GRK5: variants seen among roughly 807,000 people sequenced by gnomAD.
GRK5 encodes the protein G protein-coupled receptor kinase 5.
In GRK5, 40 loss-of-function variants were observed where a neutral mutation model predicts 78.4. The ratio of observed to expected loss-of-function variants is 0.51; its 90% CI spans 0.40 to 0.66. The LOEUF (loss-of-function observed/expected upper bound fraction) is 0.66, where lower values mean the gene tolerates loss of function less well. Among genes scored for constraint, GRK5 ranks in the 30% least tolerant of loss-of-function variants. The pLI is 0.00. For synonymous variants in GRK5, 289 were observed against 296.8 expected (o/e 0.97, Z 0.27); for missense variants, 598 against 759.9 (o/e 0.79, Z 2.50).
intron 1 of GRK5, among the ~76,000 whole-genome samples, chr10:119,321,126 T>C (rs1850576336): frequency 6.6e-6 from 1 of 152,214 alleles, no homozygotes. Flanking sequence ...TTGTTTGTTG[T>C]TAAGAAGTGA....
chr10:119,453,585 GGCA>G (rs1853339955), intron 15 of GRK5, among the ~76,000 whole-genome samples: 1 of 152,190 alleles, frequency 6.6e-6, no homozygotes, highest in African/African-American at 2.4e-5. Flanking sequence ...CAAGATGTGG[GGCA>G]GCAAGTTTGG....
intron 2 of GRK5, among the ~76,000 whole-genome samples, chr10:119,361,165 G>A (rs1485751844): frequency 1.3e-5 from 2 of 152,234 alleles, no homozygotes; most frequent in Non-Finnish European, 2.9e-5. Context: ...TGTCCAGCAG[G>A]ACCGGGCAGT....
rs1290679346 is a variant in GRK5 at position 119,425,041 on chromosome 10, C to T, written c.489C>T (p.Asp163=). 2 of 1,614,020 alleles carry T rather than the reference C, an allele frequency of 1.2e-6. No homozygotes were observed. The highest frequency in any genetic ancestry group is 1.7e-6 in the Non-Finnish European group (2 of 1,179,902). The change falls in exon 6 of 16, where the codon GAC becomes GAT. Residue 163 remains aspartate (D), a synonymous_variant. Coordinates refer to ENST00000392870, the MANE Select transcript of GRK5 (RefSeq NM_005308.3). ...LRGEPFHEYL[D]SMFFDRFLQW... is the part of the protein sequence containing the mutation. ...GAGAACCATTCCACGAATATCTGGA[C>T]AGCATGTTTTTTGACCGCTTTCTCC...
chr10:119,301,677 C>T (rs752459226), intron 1 of GRK5, among the ~76,000 whole-genome samples: 3 of 152,206 alleles, frequency 2.0e-5, no homozygotes, highest in African/African-American at 7.2e-5. Flanking sequence ...GCCCCTGGCT[C>T]TCCTTTTGAG....
chr10:119,308,920 C>T lies in GRK5; in HGVS notation c.53-17596C>T, dbSNP rs780561778. Among the ~76,000 whole-genome samples, 5 of 152,202 alleles carry T rather than the reference C, an allele frequency of 3.3e-5. No individual in the cohort carries two copies. The East Asian group carries it at 5.8e-4, about 18-fold the overall frequency. On this transcript the variant is annotated intron_variant, in intron 1 of 15. Coordinates refer to ENST00000392870, the MANE Select transcript of GRK5 (RefSeq NM_005308.3). ...GGCCCTTTTCTCCCCACTTCCCAGA[C>T]GGAGCTGAAGGGAAAGGACTCTTCC...
chr10:119,367,378 C>T (rs1357452303), intron 2 of GRK5, among the ~76,000 whole-genome samples: 2 of 152,146 alleles, frequency 1.3e-5, no homozygotes, highest in Non-Finnish European at 2.9e-5. Flanking sequence ...GAAGCCTAGC[C>T]CTTCTTGAGT....
rs1851370516 is a variant in GRK5 at position 119,361,939 on chromosome 10, T to A, written c.149-18876T>A. ...TCGCACCACTGCACTCCAGCCTGGG[T>A]GACAGAGCGAGACTCTATCTCAAAA... is the stretch of plus-strand genomic sequence containing the variant. On this transcript the variant is annotated intron_variant, in intron 2 of 15. Coordinates refer to ENST00000392870, the MANE Select transcript of GRK5 (RefSeq NM_005308.3). Among the ~76,000 whole-genome samples the A allele has an allele frequency of 3.2e-5, 4 of 125,554 alleles. No homozygotes were observed. In the South Asian group the frequency reaches 7.6e-4, roughly 24 times the overall value. 82.4% of individuals were successfully genotyped at this position (125,554 alleles called of 152,430 possible).
intron 1 of GRK5, among the ~76,000 whole-genome samples, chr10:119,221,352 G>A (rs533419924): frequency 2.6e-5 from 4 of 152,270 alleles, no homozygotes; most frequent in Middle Eastern, 3.4e-3. Context: ...ACACTGTTCC[G>A]CAGCTGTTTT....
chr10:119,380,789 T>C, intron 2 of GRK5, 26 bp from the exon 3 acceptor site: 1 of 1,462,884 alleles, frequency 6.8e-7, no homozygotes. Flanking sequence ...CTGGGTCTCA[T>C]CACATTCTTC....
intron 2 of GRK5, among the ~76,000 whole-genome samples, chr10:119,361,948 G>T: frequency 7.4e-6 from 1 of 134,866 alleles, no homozygotes. Context: ...GTGACAGAGC[G>T]AGACTCTATC....
At chr10:119,413,929 G>A (rs1852393940) in intron 4 of GRK5, among the ~76,000 whole-genome samples, 1 of 152,150 alleles carries the variant, frequency 6.6e-6, no homozygotes. Context: ...CGTAGCTGAC[G>A]CAGATCCCCT....
At chr10:119,333,470 C>T (rs1233506351) in intron 2 of GRK5, 3 of 240,104 alleles carry the variant, frequency 1.2e-5, no homozygotes, top group African/African-American at 6.9e-5. Context: ...GCTCAGGGGA[C>T]TGGAGAGCAT....
intron 6 of GRK5, among the ~76,000 whole-genome samples, chr10:119,426,004 C>A (rs1852670960): frequency 6.6e-6 from 1 of 152,246 alleles, no homozygotes; most frequent in Non-Finnish European, 1.5e-5. Flanking sequence ...AAAATCCATG[C>A]CGGGCCGAGC....
At chr10:119,400,007 G>A (rs1462709371) in intron 4 of GRK5, among the ~76,000 whole-genome samples, 1 of 152,184 alleles carries the variant, frequency 6.6e-6, no homozygotes, top group Non-Finnish European at 1.5e-5. Context: ...TGCATGTATT[G>A]AGGACACTTG....
intron 11 of GRK5, among the ~76,000 whole-genome samples, chr10:119,442,408 G>A (rs1260026115): frequency 6.6e-6 from 1 of 152,238 alleles, no homozygotes; most frequent in Non-Finnish European, 1.5e-5. Context: ...TGAAGCAGGG[G>A]TCTGGGAGGA....
At chr10:119,337,978 G>A (rs1344005751) in intron 2 of GRK5, among the ~76,000 whole-genome samples, 1 of 152,112 alleles carries the variant, frequency 6.6e-6, no homozygotes, top group Admixed American at 6.5e-5. Flanking sequence ...CCACCCTAAT[G>A]ACCTCATTTT....
intron 1 of GRK5, among the ~76,000 whole-genome samples, chr10:119,322,192 A>G (rs149194250): frequency 1.0e-3 from 159 of 152,272 alleles, no homozygotes; most frequent in African/African-American, 3.6e-3. Flanking sequence ...GGCTCAAGCA[A>G]TCCCCCCATC....
intron 10 of GRK5, among the ~76,000 whole-genome samples, chr10:119,440,673 C>T (rs1421672827): frequency 2.0e-5 from 3 of 152,088 alleles, no homozygotes; most frequent in Non-Finnish European, 2.9e-5. Flanking sequence ...GCCTCAGCCT[C>T]CCAAGTAGCT....
chr10:119,281,841 G>C (rs1246069144), intron 1 of GRK5, among the ~76,000 whole-genome samples: 2 of 152,198 alleles, frequency 1.3e-5, no homozygotes, highest in Admixed American at 6.5e-5. Flanking sequence ...CTGCTACTTA[G>C]CTTTGTAGAT....
Sources: allele counts gnomAD v4.1 joint callset (sites outside exome capture counted in the v4.1 genomes callset), GRCh38; gene constraint gnomAD v4.1.1; transcripts MANE v1.5; gene names NCBI Gene and HGNC (gene_info 2026-07-23, HGNC 2026-07-21).